Variants in IQGAP2 observed in about 807,000 individuals in gnomAD.
IQGAP2 encodes the protein ras GTPase-activating-like protein IQGAP2.
Under a neutral mutation model 201.3 loss-of-function variants are expected in IQGAP2, and 173 were observed. The observed-to-expected ratio is 0.86, with a 90% CI of 0.76 to 0.98. The LOEUF (loss-of-function observed/expected upper bound fraction) is 0.98. Among genes scored for constraint, IQGAP2 ranks in the 50% least tolerant of loss-of-function variants. The pLI, the probability that IQGAP2 is intolerant of heterozygous loss-of-function variation, is 0.00. For missense variants in IQGAP2, 1,687 were observed against 1,864.8 expected, an observed-to-expected ratio of 0.90 and a Z score of 1.76; for synonymous variants, 675 against 673.9, an observed-to-expected ratio of 1.00 and a Z score of -0.03.
intron 35 of IQGAP2, among the ~76,000 whole-genome samples, chr5:76,706,004 T>C (rs1336446884): frequency 6.6e-6 from 1 of 152,194 alleles, no homozygotes. Context: ...AGAATGACAG[T>C]TCGACTTAAG....
At chr5:76,649,168 A>G (rs2455213) in intron 17 of IQGAP2, among the ~76,000 whole-genome samples, 74,561 of 151,980 alleles carry the variant, frequency 0.49, 18,858 homozygotes, top group Non-Finnish European at 0.56. Context: ...TGTAAGAGGG[A>G]GACAGTTCTA....
At chr5:76,589,032 G>A in intron 6 of IQGAP2, 59 bp downstream of exon 6, 1 of 1,203,522 alleles carries the variant, frequency 8.3e-7, no homozygotes, top group South Asian at 1.3e-5. Flanking sequence ...ACCAATACCT[G>A]GCCGGGCGTG....
chr5:76,601,443 ACAGTGGGTCATGG>A (rs371728634), intron 11 of IQGAP2, among the ~76,000 whole-genome samples: 211 of 152,332 alleles, frequency 1.4e-3, no homozygotes, highest in African/African-American at 4.8e-3. Flanking sequence ...TCCTGAGACC[ACAGTGGGTCATGG>A]CAGTGGGTAA....
intron 30 of IQGAP2, among the ~76,000 whole-genome samples, chr5:76,686,340 T>TTTTTTG (rs1017705200): frequency 1.1e-4 from 16 of 139,994 alleles, no homozygotes; most frequent in African/African-American, 8.5e-5. Context: ...ATCTGTTTTT[T>TTTTTTG]TTGTTGTTGT....
At chr5:76,443,959 C>T (rs114053755) in intron 1 of IQGAP2, among the ~76,000 whole-genome samples, 2,906 of 152,236 alleles carry the variant, frequency 0.019, 104 homozygotes, top group African/African-American at 0.065. Context: ...CAAGTCTAAA[C>T]TTGTGTGTAA....
At chr5:76,508,285 C>G (rs1757733897) in intron 2 of IQGAP2, among the ~76,000 whole-genome samples, 1 of 152,086 alleles carries the variant, frequency 6.6e-6, no homozygotes, top group Non-Finnish European at 1.5e-5. Context: ...CGCCACTGCA[C>G]TCCAGCCTGG....
At chr5:76,513,481 C>T (rs1463809675) in intron 2 of IQGAP2, among the ~76,000 whole-genome samples, 1 of 152,174 alleles carries the variant, frequency 6.6e-6, no homozygotes, top group East Asian at 1.9e-4. Context: ...TCCTAGAATT[C>T]CTTATAAAAC....
chr5:76,554,989 GT>G (rs1743838338), intron 2 of IQGAP2, among the ~76,000 whole-genome samples: 1 of 152,060 alleles, frequency 6.6e-6, no homozygotes, highest in South Asian at 2.1e-4. Flanking sequence ...AAGATATGAA[GT>G]CCAGATACAT....
At chr5:76,581,727 A>G (rs1249533257) in intron 5 of IQGAP2, among the ~76,000 whole-genome samples, 1 of 152,176 alleles carries the variant, frequency 6.6e-6, no homozygotes, top group African/African-American at 2.4e-5. Context: ...TGATAAGGCT[A>G]CCTCAGGATT....
At chr5:76,531,838 G>T (rs2150207796) in intron 2 of IQGAP2, among the ~76,000 whole-genome samples, 1 of 152,286 alleles carries the variant, frequency 6.6e-6, no homozygotes, top group East Asian at 1.9e-4. Context: ...CATAAACTGG[G>T]TGGCTTAGAA....
chr5:76,408,497 C>G (rs1164469367), intron 1 of IQGAP2, among the ~76,000 whole-genome samples: 1 of 152,168 alleles, frequency 6.6e-6, no homozygotes, highest in East Asian at 1.9e-4. Context: ...GATCCTGGAG[C>G]CTTTCCTCAT....
chr5:76,437,203 C>A (rs1476505951), intron 1 of IQGAP2, among the ~76,000 whole-genome samples: 1 of 152,002 alleles, frequency 6.6e-6, no homozygotes. Flanking sequence ...AGGCACCCAC[C>A]ACCATGCCCA....
chr5:76,406,566 C>T (rs1014509516), intron 1 of IQGAP2, among the ~76,000 whole-genome samples: 25 of 152,176 alleles, frequency 1.6e-4, no homozygotes, highest in Admixed American at 9.8e-4. Context: ...ATGACACTTA[C>T]GCTTAGGTGT....
At chr5:76,501,638 C>CTTTTGTTTT (rs1432659462) in intron 2 of IQGAP2, among the ~76,000 whole-genome samples, 8 of 24,994 alleles carry the variant, frequency 3.2e-4, no homozygotes, top group African/African-American at 4.8e-4. Flanking sequence ...TTTCTTTTTC[C>CTTTTGTTTT]TTTTCTTTTT....
At chr5:76,609,371 T>C (rs1748073586) in intron 12 of IQGAP2, 11 of 732,062 alleles carry the variant, frequency 1.5e-5, no homozygotes, top group Non-Finnish European at 2.2e-5. Context: ...GTTCTGTCAA[T>C]GTTTACAGAT....
chr5:76,468,724 T>C (rs956349175), intron 2 of IQGAP2, among the ~76,000 whole-genome samples: 7 of 152,354 alleles, frequency 4.6e-5, no homozygotes, highest in African/African-American at 1.7e-4. Flanking sequence ...TAGTTTTACA[T>C]TGTGCCGCAC....
At chr5:76,618,115 G>A in intron 13 of IQGAP2, 1 of 1,614,160 alleles carries the variant, frequency 6.2e-7, no homozygotes, top group Non-Finnish European at 8.5e-7. Context: ...TAGGTGAAAG[G>A]ATGGACGATG....
At chr5:76,587,028 A>T (rs1746295613) in intron 5 of IQGAP2, among the ~76,000 whole-genome samples, 1 of 152,228 alleles carries the variant, frequency 6.6e-6, no homozygotes, top group Non-Finnish European at 1.5e-5. Flanking sequence ...AGGCCCAAAG[A>T]TATGGTACCT....
chr5:76,680,851 T>A (rs1745219265), intron 28 of IQGAP2, among the ~76,000 whole-genome samples: 1 of 143,620 alleles, frequency 7.0e-6, no homozygotes, highest in Admixed American at 6.9e-5. Context: ...ACACCTGTAA[T>A]CCCAGCATGT....
Sources: gnomAD v4.1 joint callset for allele counts (sites outside exome capture counted in the v4.1 genomes callset) on GRCh38, gnomAD v4.1.1 for gene constraint, MANE v1.5 for transcripts, NCBI Gene and HGNC (gene_info 2026-07-23, HGNC 2026-07-21) for gene names.